The following KANSL1 variants were observed in gnomAD, a reference collection of about 807,000 sequenced individuals.
The protein encoded by KANSL1 is KAT8 regulatory NSL complex subunit 1.
A neutral mutation model predicts 103.6 loss-of-function variants in KANSL1; 22 were observed. That is an observed-to-expected ratio of 0.21 (90% CI 0.15 to 0.30). The LOEUF is 0.30. KANSL1 is among the 10% of genes least tolerant of loss of function. The probability of loss-of-function intolerance (pLI) is 1.00; values close to 1 mark genes in which losing one functional copy is unlikely to be tolerated. For synonymous variants in KANSL1, 600 were observed against 527.6 expected (o/e 1.14, Z -1.88); for missense variants, 1,337 against 1,399.8 (o/e 0.96, Z 0.72).
intron 4 of KANSL1, among the ~76,000 whole-genome samples, chr17:46,075,909 G>C (rs1434390145): frequency 6.6e-6 from 1 of 152,064 alleles, no homozygotes; most frequent in African/African-American, 2.4e-5. Context: ...TCAGAAAAAA[G>C]TCCATCCTTC....
chr17:46,054,972 T>A (rs1298133764), intron 6 of KANSL1, among the ~76,000 whole-genome samples: 3 of 151,362 alleles, frequency 2.0e-5, no homozygotes, highest in Admixed American at 2.0e-4. Context: ...TATCTCAGCC[T>A]CCCGAGTAGC....
intron 6 of KANSL1, among the ~76,000 whole-genome samples, chr17:46,062,346 T>C (rs151335207): frequency 9.1e-4 from 128 of 140,446 alleles, no homozygotes; most frequent in African/African-American, 3.1e-3. Context: ...ACAAGTGATA[T>C]AACAACAGCT....
At chr17:46,064,174 A>G (rs1464190729) in intron 6 of KANSL1, among the ~76,000 whole-genome samples, 1 of 152,034 alleles carries the variant, frequency 6.6e-6, no homozygotes, top group African/African-American at 2.4e-5. Flanking sequence ...TCCGAGGAAT[A>G]GACAGGAAGA....
chr17:46,157,634 G>A (rs1426985684), intron 2 of KANSL1, among the ~76,000 whole-genome samples: 1 of 152,214 alleles, frequency 6.6e-6, no homozygotes, highest in Non-Finnish European at 1.5e-5. Flanking sequence ...CAATTGAGAG[G>A]TCACCTGTTG....
Position 46,038,533 on chromosome 17 carries a change from C to A in KANSL1, c.2541+5G>T. On this transcript the variant is annotated splice_donor_5th_base_variant and intron_variant, in intron 10 of 14. Coordinates refer to ENST00000432791, the MANE Select transcript of KANSL1 (RefSeq NM_015443.4). ...GTGTCCGGCCAACCCCACACAGGTA[C>A]TTACCGATGTGCTGGCTGTAACCTG... 1 of 1,613,812 alleles carries A rather than the reference C, an allele frequency of 6.2e-7. No individual in the cohort carries two copies. The highest frequency in any genetic ancestry group is 8.5e-7 in the Non-Finnish European group (1 of 1,179,822).
intron 4 of KANSL1, among the ~76,000 whole-genome samples, chr17:46,068,548 GAC>G (rs1007939856): frequency 1.3e-5 from 2 of 152,106 alleles, no homozygotes; most frequent in Non-Finnish European, 2.9e-5. Flanking sequence ...CAGCCTGGGT[GAC>G]AGAGTGAGAC....
chr17:46,143,024 T>C (rs940568017), intron 2 of KANSL1, among the ~76,000 whole-genome samples: 1 of 152,270 alleles, frequency 6.6e-6, no homozygotes, highest in African/African-American at 2.4e-5. Flanking sequence ...TTCAATCCAA[T>C]AGATTTCTAA....
chr17:46,207,054 C>T (rs2696458), intron 1 of KANSL1, among the ~76,000 whole-genome samples: 21,929 of 151,734 alleles, frequency 0.14, 2,152 homozygotes, highest in Middle Eastern at 0.22. Flanking sequence ...GGCAAGGATT[C>T]TGAGACCTGC....
upstream of KANSL1, chr17:46,196,092 A>C: frequency 3.2e-6 from 1 of 310,560 alleles, no homozygotes; most frequent in Non-Finnish European, 6.3e-6. Flanking sequence ...CAAAATTTTA[A>C]ATTAGCCAAG....
At chr17:46,087,703 A>G (rs3912062) in intron 3 of KANSL1, among the ~76,000 whole-genome samples, 21,787 of 152,196 alleles carry the variant, frequency 0.14, 2,130 homozygotes, top group Non-Finnish European at 0.22. Flanking sequence ...AACATTCCCC[A>G]AAATATATTT....
chr17:46,189,829 C>G (rs371372548), intron 1 of KANSL1, among the ~76,000 whole-genome samples: 1 of 150,722 alleles, frequency 6.6e-6, no homozygotes, highest in African/African-American at 2.4e-5. Context: ...ATCGCTTGAA[C>G]CTGGGAGGCG....
chr17:46,036,185 C>T (rs1401698440), intron 10 of KANSL1, among the ~76,000 whole-genome samples: 2 of 152,176 alleles, frequency 1.3e-5, no homozygotes, highest in African/African-American at 2.4e-5. Context: ...GAGCTACAGG[C>T]ATGCAATATC....
chr17:46,138,840 C>T (rs1463636433), intron 2 of KANSL1, among the ~76,000 whole-genome samples: 2 of 152,226 alleles, frequency 1.3e-5, no homozygotes, highest in Admixed American at 1.3e-4. Context: ...AACATAGGTA[C>T]AGTTCACAAT....
In KANSL1 at chr17:46,067,029, C is replaced by T. The variant is rs541917619; in HGVS notation, c.1653-297G>A. On this transcript the variant is annotated intron_variant, in intron 5 of 14. Transcript: ENST00000432791. Reference sequence around the variant, plus strand: ...TGAGTTCTCCTCTACATCAAACACACGAGTAAATAAAGTCTAGAGAACTAC... The same window carrying T: ...TGAGTTCTCCTCTACATCAAACACATGAGTAAATAAAGTCTAGAGAACTAC... Among the ~76,000 whole-genome samples the T allele has an allele frequency of 2.6e-5, 4 of 152,232 alleles. No individual in the cohort carries two copies. In the East Asian group the frequency reaches 7.7e-4, roughly 29 times the overall value.
intron 1 of KANSL1, among the ~76,000 whole-genome samples, chr17:46,216,684 C>T (rs1384752145): frequency 6.6e-6 from 1 of 151,982 alleles, no homozygotes; most frequent in Non-Finnish European, 1.5e-5. Flanking sequence ...TAATCTACTT[C>T]TTTAAGTCAT....
At chr17:46,124,472 C>T (rs1026223007) in intron 2 of KANSL1, among the ~76,000 whole-genome samples, 1 of 152,222 alleles carries the variant, frequency 6.6e-6, no homozygotes, top group Non-Finnish European at 1.5e-5. Flanking sequence ...TGTTATCATG[C>T]CTGTTAACAC....
At chr17:46,080,518 G>A (rs1274954762) in intron 4 of KANSL1, among the ~76,000 whole-genome samples, 2 of 151,556 alleles carry the variant, frequency 1.3e-5, no homozygotes, top group African/African-American at 2.4e-5. Context: ...AAAAAAACCT[G>A]GGGAACAAAC....
intron 1 of KANSL1, among the ~76,000 whole-genome samples, chr17:46,186,468 C>T (rs576091756): frequency 3.9e-5 from 6 of 152,048 alleles, no homozygotes; most frequent in African/African-American, 1.4e-4. Context: ...CTGAAACCTA[C>T]CTTATACCTT....
At chr17:46,038,481 T>C (rs749573238) in intron 10 of KANSL1, 57 bp downstream of exon 10, 18 of 1,588,324 alleles carry the variant, frequency 1.1e-5, no homozygotes, top group Non-Finnish European at 1.4e-5. Context: ...CTGGAGCCAC[T>C]TGAGTGAGCT....
Sources: gnomAD v4.1 joint callset for allele counts (sites outside exome capture counted in the v4.1 genomes callset) on GRCh38, gnomAD v4.1.1 for gene constraint, MANE v1.5 for transcripts, NCBI Gene and HGNC (gene_info 2026-07-23, HGNC 2026-07-21) for gene names.